FOXK2: variants seen among roughly 807,000 people sequenced by gnomAD.
The protein encoded by FOXK2 is forkhead box K2.
FOXK2 carries 24 observed loss-of-function variants against 53.3 expected under a neutral mutation model. The ratio of observed to expected loss-of-function variants is 0.45; its 90% confidence interval spans 0.33 to 0.63. The LOEUF (loss-of-function observed/expected upper bound fraction) is 0.63, where lower values mean the gene tolerates loss of function less well. FOXK2 is among the 30% of genes least tolerant of loss of function. FOXK2 has a pLI of 0.03. For missense variants in FOXK2, 952 were observed against 910.5 expected, an observed-to-expected ratio of 1.05 and a Z score of -0.59; for synonymous variants, 505 against 407.1, an observed-to-expected ratio of 1.24 and a Z score of -2.89.
At chr17:82,535,570 T>G (rs1005348593) in intron 1 of FOXK2, among the ~76,000 whole-genome samples, 2 of 152,154 alleles carry the variant, frequency 1.3e-5, no homozygotes, top group African/African-American at 4.8e-5. Flanking sequence ...TTCCTGATTC[T>G]TCTTGTGCCT....
rs758315545 is a variant in FOXK2, at chr17:82,563,412, G to A, written c.478G>A (p.Glu160Lys). ...GATAACGTTCACTGCCCTGTCCAGC[G>A]AGAAGAGAGAGAAGCAGGAGGCGTC... ...IKITFTALSS[E>K]KREKQEASES... Residue 160 changes from glutamate (E) to lysine (K), a missense_variant, in exon 2 of 9, where the codon GAG becomes AAG. Around this residue, in one of 5 missense-constraint regions of FOXK2, gnomAD observed 76 missense variants for 128.2 expected, o/e 0.59. Coordinates refer to ENST00000335255, the MANE Select transcript of FOXK2 (RefSeq NM_004514.4). 1.9e-6 allele frequency: 3 copies of A among 1,614,160 alleles called. No homozygotes were observed. The highest frequency in any genetic ancestry group is 1.3e-5 in the African/African-American group (1 of 75,006).
chr17:82,531,943 C>T lies in FOXK2; in HGVS notation c.419+11636C>T, dbSNP rs147944076. 3.5e-3 allele frequency among the ~76,000 whole-genome samples: 534 copies of T among 152,218 alleles called. 4 individuals are homozygous for T. The highest frequency in any genetic ancestry group is 0.012 in the African/African-American group (513 of 41,522). The stretch of plus-strand genomic sequence containing the variant: ...GCAACGTCTGCCTCCCAGGTTCAAG[C>T]AGTTCTCCTGCCTCAGCTTCCCGAG... On this transcript the variant is annotated intron_variant, in intron 1 of 8. Transcript: ENST00000335255.
At chr17:82,596,547 G>GCCCTGGTGCCCTCGTCACGCC (rs1555644203) in intron 8 of FOXK2, among the ~76,000 whole-genome samples, 20 of 152,050 alleles carry the variant, frequency 1.3e-4, no homozygotes, top group South Asian at 2.1e-4. Flanking sequence ...CGCACTTTCT[G>GCCCTGGTGCCCTCGTCACGCC]CGGGCAGTCT....
intron 1 of FOXK2, among the ~76,000 whole-genome samples, chr17:82,532,721 C>T (rs1038718980): frequency 6.6e-6 from 1 of 151,662 alleles, no homozygotes; most frequent in African/African-American, 2.4e-5. Context: ...CGAGTAGCCA[C>T]CTCACCTGGC....
Position 82,590,765 on chromosome 17 carries a change from A to G in FOXK2, c.1786+3493A>G, listed in dbSNP as rs960725277. Among the ~76,000 whole-genome samples the G allele has an allele frequency of 6.8e-4, 104 of 152,172 alleles. 2 individuals carry two copies. The highest frequency in any genetic ancestry group is 1.0e-4 in the Non-Finnish European group (7 of 68,032). On this transcript the variant is annotated intron_variant, in intron 8 of 8. Transcript: ENST00000335255. ...TGTAGTGTAGTGTATTACCCCAAGG[A>G]AAATGTAGTATTTTTACTGAGGAAT...
At chr17:82,575,569 T>C (rs2044972709) in intron 4 of FOXK2, among the ~76,000 whole-genome samples, 1 of 152,170 alleles carries the variant, frequency 6.6e-6, no homozygotes, top group South Asian at 2.1e-4. Flanking sequence ...AAATAATGCT[T>C]AAAAGAGACT....
At chr17:82,586,499 CCGGGGGGGAAA>C (rs2045166946) in intron 7 of FOXK2, among the ~76,000 whole-genome samples, 1 of 13,830 alleles carries the variant, frequency 7.2e-5, no homozygotes, top group Non-Finnish European at 1.7e-4. Context: ...CAAAGGTGGG[CCGGGGGGGAAA>C]GGAGGAGAGG....
chr17:82,586,372 G>A (rs1334076599), intron 7 of FOXK2, among the ~76,000 whole-genome samples, 172 bp downstream of exon 7: 1 of 133,914 alleles, frequency 7.5e-6, no homozygotes, highest in African/African-American at 2.9e-5. Flanking sequence ...AAGGAGGAGA[G>A]GGGAGACCAC....
intron 7 of FOXK2, among the ~76,000 whole-genome samples, chr17:82,586,611 C>T (rs1567985572): frequency 3.3e-5 from 5 of 151,966 alleles, no homozygotes; most frequent in Admixed American, 2.6e-4. Flanking sequence ...ATAAGATTTG[C>T]TCATCCTTGG....
chr17:82,550,559 G>T (rs1313618484), intron 1 of FOXK2, among the ~76,000 whole-genome samples: 1 of 148,108 alleles, frequency 6.8e-6, no homozygotes, highest in African/African-American at 2.5e-5. Flanking sequence ...CGGGAGTGCA[G>T]TGGCGCAATC....
intron 1 of FOXK2, among the ~76,000 whole-genome samples, chr17:82,550,607 A>C (rs544599130): frequency 2.1e-5 from 3 of 146,070 alleles, no homozygotes; most frequent in Admixed American, 7.1e-5. Context: ...GGTTCACGCC[A>C]TTCTCCTGCC....
At chr17:82,574,699 C>T (rs1282721507) in intron 4 of FOXK2, among the ~76,000 whole-genome samples, 1 of 152,206 alleles carries the variant, frequency 6.6e-6, no homozygotes, top group African/African-American at 2.4e-5. Context: ...CTTCCTGTGC[C>T]ATGAGATTCT....
intron 1 of FOXK2, among the ~76,000 whole-genome samples, chr17:82,556,509 C>T (rs926391444): frequency 2.7e-5 from 4 of 148,632 alleles, no homozygotes; most frequent in East Asian, 2.1e-4. Context: ...GGCTCATCAA[C>T]GTGGAGAGGC....
chr17:82,543,442 C>T (rs1009835183), intron 1 of FOXK2, among the ~76,000 whole-genome samples: 5 of 152,152 alleles, frequency 3.3e-5, no homozygotes, highest in African/African-American at 1.2e-4. Context: ...GTTGTGTGAG[C>T]ACCTGCTGTG....
intron 1 of FOXK2, among the ~76,000 whole-genome samples, chr17:82,543,438 T>G (rs989320370): frequency 1.1e-4 from 16 of 152,168 alleles, no homozygotes; most frequent in African/African-American, 3.9e-4. Context: ...CAGTGTTGTG[T>G]GAGCACCTGC....
At chr17:82,547,863 A>C (rs185217996) in intron 1 of FOXK2, among the ~76,000 whole-genome samples, 3 of 152,252 alleles carry the variant, frequency 2.0e-5, no homozygotes, top group Admixed American at 2.0e-4. Flanking sequence ...GGTTTCATAA[A>C]CATGGAATCA....
Position 82,571,910 on chromosome 17 carries a change from A to G in FOXK2, c.909+40A>G, listed in dbSNP as rs190029648. 9.1e-5 allele frequency: 136 copies of G among 1,487,804 alleles called. 1 individual carries two copies. In the East Asian group the frequency reaches 3.3e-3, roughly 36 times the overall value. 92.2% of individuals were successfully genotyped at this position (1,487,804 alleles called of 1,614,324 possible). A position where few individuals can be genotyped will look rare whatever the true frequency, so the allele number is the denominator to read the frequency against. ...TTTGTTGTTAAATAGAGGCTGATGG[A>G]TACCGAGAAGAAAGTGGAGCGGCTG... On this transcript the variant is annotated intron_variant, in intron 4 of 8. Coordinates refer to ENST00000335255, the MANE Select transcript of FOXK2 (RefSeq NM_004514.4).
chr17:82,534,227 C>G (rs1040786875), intron 1 of FOXK2, among the ~76,000 whole-genome samples: 3 of 151,648 alleles, frequency 2.0e-5, no homozygotes, highest in Non-Finnish European at 4.4e-5. Context: ...GTCTGGGCAG[C>G]AGAGCAAAAC....
chr17:82,539,632 C>T (rs1309084419), intron 1 of FOXK2, among the ~76,000 whole-genome samples: 1 of 150,296 alleles, frequency 6.7e-6, no homozygotes, highest in African/African-American at 2.5e-5. Flanking sequence ...CTGGGTAACA[C>T]TCGAGACCTT....
Sources: allele counts gnomAD v4.1 joint callset (sites outside exome capture counted in the v4.1 genomes callset), GRCh38; gene constraint gnomAD v4.1.1; regional missense constraint gnomAD v4.1.1; transcripts MANE v1.5; gene names NCBI Gene and HGNC (gene_info 2026-07-23, HGNC 2026-07-21).